Variants in DMXL2 observed in about 807,000 individuals in gnomAD.
DMXL2 encodes the protein dmX-like protein 2.
A neutral mutation model predicts 331.1 loss-of-function variants in DMXL2; 103 were observed. That is an observed-to-expected ratio of 0.31 (90% CI 0.27 to 0.37). The LOEUF is 0.37. Among genes scored for constraint, DMXL2 ranks in the 10% least tolerant of loss-of-function variants. DMXL2 has a pLI of 1.00. For synonymous variants in DMXL2, 1,281 were observed against 1,252.1 expected, an observed-to-expected ratio of 1.02 and a Z score of -0.49; for missense variants, 3,171 against 3,642.9, an observed-to-expected ratio of 0.87 and a Z score of 3.33.
rs150841381 is a variant in DMXL2, at chr15:51,538,227, A to G, written c.1331T>C (p.Met444Thr). The change falls in exon 10 of 44, where the codon ATG becomes ACG. Residue 444 changes from methionine (M) to threonine (T), a missense_variant. Physicochemically the swap from Met to Thr is moderately conservative, Grantham distance 81 (BLOSUM62 -1). Transcript: ENST00000560891. ...SQEDRERGLH[M>T]KLDHDLSLDR... ...AGGATACTAACCATGGTCTAATTTC[A>G]TATGTAAACCCCGTTCTCTATCCTC... 6.8e-6 allele frequency: 11 copies of G among 1,612,892 alleles called. No homozygotes were observed. Among genetic ancestry groups the G allele is most frequent in the Middle Eastern group, 1.7e-4 (1 of 6,050 alleles).
At chr15:51,585,377 T>A (rs1366586884) in intron 1 of DMXL2, among the ~76,000 whole-genome samples, 2 of 151,834 alleles carry the variant, frequency 1.3e-5, no homozygotes, top group Non-Finnish European at 2.9e-5. Context: ...TCTGCATCTA[T>A]TGAGATAATC....
intron 13 of DMXL2, among the ~76,000 whole-genome samples, chr15:51,520,615 G>C (rs1296779748): frequency 1.3e-5 from 2 of 152,096 alleles, no homozygotes; most frequent in Non-Finnish European, 2.9e-5. Context: ...CCAGCACTTT[G>C]GGGGGCCGAG....
rs78821004 is a variant in DMXL2 at position 51,568,099 on chromosome 15, G to A, written c.285+388C>T. 238 of 164,976 alleles carry A rather than the reference G, an allele frequency of 1.4e-3. 5 individuals carry two copies. The East Asian group carries it at 0.038, about 26-fold the overall frequency. 10.2% of individuals were successfully genotyped at this position (164,976 alleles called of 1,614,324 possible). A position where few individuals can be genotyped will look rare whatever the true frequency, so the allele number is the denominator to read the frequency against. ...CTCAAAACAAAAGAAAAAAGAGAGAGAAATATGGAACCATTACAAAGTTTT... is the reference window on the plus strand; with the variant it reads ...CTCAAAACAAAAGAAAAAAGAGAGAAAAATATGGAACCATTACAAAGTTTT... On this transcript the variant is annotated intron_variant, in intron 3 of 43. Coordinates refer to ENST00000560891, the MANE Select transcript of DMXL2 (RefSeq NM_001378457.1).
intron 19 of DMXL2, 30 bp from the exon 20 acceptor site, chr15:51,491,777 C>T (rs769048335): frequency 2.9e-5 from 46 of 1,559,484 alleles, no homozygotes; most frequent in East Asian, 4.6e-5. Context: ...TAATAATCTG[C>T]GTAACTGTAT....
chr15:51,453,621 T>A lies in DMXL2; in HGVS notation c.8625A>T (p.Lys2875Asn). ...KPYMSWQCHS[K>N]ATSDFAFITS... ...TAATAAATGCAAAGTCACTTGTGGC[T>A]TTACTGTGGCACTGCCAACTCTACG... Residue 2875 changes from lysine (K) to asparagine (N), a missense_variant, in exon 41 of 44, where the codon AAA (lysine) becomes AAT (asparagine). Lys to Asn is a moderately conservative substitution (Grantham distance 94). Coordinates refer to ENST00000560891, the MANE Select transcript of DMXL2 (RefSeq NM_001378457.1). 1 of 1,613,760 alleles carries A rather than the reference T, an allele frequency of 6.2e-7. No homozygotes were observed. Among genetic ancestry groups the A allele is most frequent in the Non-Finnish European group, 8.5e-7 (1 of 1,179,856 alleles).
At chr15:51,546,517 T>G (rs1232009012) in intron 7 of DMXL2, among the ~76,000 whole-genome samples, 4 of 152,120 alleles carry the variant, frequency 2.6e-5, no homozygotes, top group Admixed American at 6.6e-5. Context: ...ATTTAGTAGG[T>G]AAAATAACCC....
At chr15:51,540,218 A>C (rs2048512589) in intron 9 of DMXL2, among the ~76,000 whole-genome samples, 1 of 152,198 alleles carries the variant, frequency 6.6e-6, no homozygotes, top group Non-Finnish European at 1.5e-5. Context: ...ACAATTGAGA[A>C]AGGGACTGTT....
At chr15:51,457,212 T>C (rs2039706532) in intron 37 of DMXL2, 116 bp downstream of exon 37, 3 of 1,051,980 alleles carry the variant, frequency 2.9e-6, no homozygotes, top group Non-Finnish European at 2.7e-6. Context: ...GTCATTATCA[T>C]GGCCTATCTA....
At chr15:51,522,976 A>T (rs1429928204) in intron 13 of DMXL2, among the ~76,000 whole-genome samples, 1 of 152,218 alleles carries the variant, frequency 6.6e-6, no homozygotes, top group Non-Finnish European at 1.5e-5. Context: ...TCTACCCTGC[A>T]AGTTAATCAC....
At chr15:51,622,122 G>A (rs1245400298) in intron 1 of DMXL2, among the ~76,000 whole-genome samples, 1 of 152,118 alleles carries the variant, frequency 6.6e-6, no homozygotes, top group Non-Finnish European at 1.5e-5. Flanking sequence ...CGGACGCTCT[G>A]GGGTTTCAGC....
chr15:51,565,972 C>G (rs1395362683), intron 3 of DMXL2, among the ~76,000 whole-genome samples: 1 of 152,104 alleles, frequency 6.6e-6, no homozygotes, highest in Non-Finnish European at 1.5e-5. Context: ...GTTTGGGAGG[C>G]CATGACAGGA....
chr15:51,459,452 T>A, intron 34 of DMXL2, 146 bp downstream of exon 34: 1 of 502,834 alleles, frequency 2.0e-6, no homozygotes, highest in Non-Finnish European at 3.3e-6. Flanking sequence ...AAGCATCTCC[T>A]CCCCTGTGCC....
In DMXL2 at chr15:51,613,173, A is replaced by G. The variant is rs145187121; in HGVS notation, c.87+9286T>C. 6.9e-3 allele frequency among the ~76,000 whole-genome samples: 1,048 copies of G among 152,320 alleles called. 18 individuals are homozygous for G. The highest frequency in any genetic ancestry group is 0.024 in the African/African-American group (1,005 of 41,554). ...AATCATCACAGGGTCCTGAGGAGAC[A>G]TTCATCCTCAGCTTACGAAGATGAC... is the stretch of plus-strand genomic sequence containing the variant. On this transcript the variant is annotated intron_variant, in intron 1 of 43. Transcript: ENST00000560891.
At chr15:51,585,244 A>G (rs1415886393) in intron 1 of DMXL2, among the ~76,000 whole-genome samples, 1 of 126,686 alleles carries the variant, frequency 7.9e-6, no homozygotes, top group Admixed American at 8.5e-5. Flanking sequence ...TTGCCCATTC[A>G]GTATGATATT....
chr15:51,515,756 A>G (rs1458429258), intron 14 of DMXL2, among the ~76,000 whole-genome samples: 1 of 152,226 alleles, frequency 6.6e-6, no homozygotes, highest in African/African-American at 2.4e-5. Flanking sequence ...CTGCTTTGTG[A>G]GAGCAGACTG....
chr15:51,576,012 A>G (rs984556244), intron 2 of DMXL2, 44 bp downstream of exon 2: 1 of 1,543,750 alleles, frequency 6.5e-7, no homozygotes, highest in Non-Finnish European at 8.8e-7. Flanking sequence ...AGATTATTAA[A>G]CACATTTTTA....
chr15:51,557,546 G>C (rs1167905198), intron 6 of DMXL2, among the ~76,000 whole-genome samples: 1 of 151,990 alleles, frequency 6.6e-6, no homozygotes, highest in Non-Finnish European at 1.5e-5. Flanking sequence ...AATTTATATA[G>C]AAATGCAAAG....
chr15:51,515,177 C>T (rs993692295), intron 14 of DMXL2, among the ~76,000 whole-genome samples: 3 of 152,144 alleles, frequency 2.0e-5, no homozygotes, highest in African/African-American at 4.8e-5. Flanking sequence ...CTGTCAACTG[C>T]TATGCTCCAT....
rs2040298421 is a variant in DMXL2, at chr15:51,463,441, G to C, written c.7864C>G (p.Gln2622Glu). The change falls in exon 33 of 44, where the codon CAA becomes GAA. Residue 2622 changes from glutamine to glutamate, a missense_variant. Coordinates refer to ENST00000560891, the MANE Select transcript of DMXL2 (RefSeq NM_001378457.1). ...VKRLWHFLVK[Q>E]EVLQETFIRY... ...ATAAATGTCTCTTGAAGGACCTCTTGTTTAACAAGGAAATGCCAAAGTCGT... is the reference window on the plus strand; with the variant it reads ...ATAAATGTCTCTTGAAGGACCTCTTCTTTAACAAGGAAATGCCAAAGTCGT... 1.9e-6 allele frequency: 3 copies of C among 1,600,742 alleles called. No homozygotes were observed. Among genetic ancestry groups the C allele is most frequent in the Middle Eastern group, 1.7e-4 (1 of 6,024 alleles).
Sources: gnomAD v4.1 joint callset for allele counts (sites outside exome capture counted in the v4.1 genomes callset) on GRCh38, gnomAD v4.1.1 for gene constraint, MANE v1.5 for transcripts, NCBI Gene and HGNC (gene_info 2026-07-23, HGNC 2026-07-21) for gene names.